Variants in STS observed in about 807,000 individuals in gnomAD.
The protein encoded by STS is steryl-sulfatase.
Under a neutral mutation model 26.8 loss-of-function variants are expected in STS, and 7 were observed. That is an observed-to-expected ratio of 0.26 (90% CI 0.15 to 0.49). STS has a LOEUF of 0.49. Ranked by LOEUF, STS falls within the 20% of genes least tolerant of loss-of-function variation. STS has a pLI of 0.98. For missense variants in STS, 434 were observed against 465.6 expected (o/e 0.93, Z 0.63); for synonymous variants, 199 against 189.4 (o/e 1.05, Z -0.42).
intron 2 of STS, among the ~76,000 whole-genome samples, chrX:7,240,270 T>C (rs1922529122): frequency 9.2e-6 from 1 of 108,485 alleles, no homozygotes; most frequent in Non-Finnish European, 1.9e-5. Context: ...CCAGGCACAT[T>C]TTGGAGGTAT....
chrX:7,347,482 C>T (rs1031689075), intron 10 of STS, among the ~76,000 whole-genome samples: 4 of 112,117 alleles, frequency 3.6e-5, no homozygotes, highest in Non-Finnish European at 7.5e-5. Flanking sequence ...CACTGCCATT[C>T]CCAGGCCGGG....
At chrX:7,287,848 G>T (rs960340257) in intron 7 of STS, among the ~76,000 whole-genome samples, 2 of 110,402 alleles carry the variant, frequency 1.8e-5, no homozygotes, top group Non-Finnish European at 3.8e-5. Context: ...CCTAAAATAG[G>T]TATACTCTTT....
chrX:7,241,345 G>A (rs1922610308), intron 2 of STS, among the ~76,000 whole-genome samples: 1 of 111,454 alleles, frequency 9.0e-6, no homozygotes, highest in South Asian at 3.7e-4. Flanking sequence ...GGTTTTTTTG[G>A]TGAGATTTTA....
intron 6 of STS, among the ~76,000 whole-genome samples, chrX:7,265,286 A>G (rs1360299297): frequency 8.9e-6 from 1 of 111,751 alleles, no homozygotes; most frequent in Admixed American, 9.6e-5. Context: ...AAATCTCTCA[A>G]AACGAGACAA....
chrX:7,299,047 ATAAATAAATATATTTATT>A (rs1925814715), intron 7 of STS, among the ~76,000 whole-genome samples: 1 of 43,752 alleles, frequency 2.3e-5, no homozygotes, highest in Admixed American at 2.6e-4. Flanking sequence ...ATATTTATAT[ATAAATAAATATATTTATT>A]TATATATAAA....
intron 1 of STS, among the ~76,000 whole-genome samples, chrX:7,173,950 A>G (rs1449352640): frequency 8.9e-6 from 1 of 112,181 alleles, no homozygotes; most frequent in Non-Finnish European, 1.9e-5. Context: ...TAAATGACCA[A>G]CATAGCTTGG....
intron 2 of STS, among the ~76,000 whole-genome samples, chrX:7,235,664 C>T (rs900091952): frequency 8.1e-5 from 9 of 111,243 alleles, no homozygotes; most frequent in Admixed American, 7.7e-4. Context: ...ATGGTCTCAG[C>T]TACTTGGGTG....
intron 8 of STS, among the ~76,000 whole-genome samples, chrX:7,318,041 A>T (rs1396417139): frequency 2.7e-5 from 3 of 111,809 alleles, no homozygotes; most frequent in Non-Finnish European, 5.6e-5. Context: ...TGGCTGTGTA[A>T]CCTTTGCCAA....
At chrX:7,258,267 GGATAGATA>G (rs55667371) in intron 5 of STS, among the ~76,000 whole-genome samples, 22 of 102,133 alleles carry the variant, frequency 2.2e-4, no homozygotes, top group South Asian at 4.4e-4. Flanking sequence ...ATAGATGGTT[GGATAGATA>G]GATAGATAGA....
At chrX:7,204,965 A>C (rs1934173978) in intron 2 of STS, among the ~76,000 whole-genome samples, 2 of 110,215 alleles carry the variant, frequency 1.8e-5, no homozygotes, top group Admixed American at 9.7e-5. Context: ...GAGACCATGG[A>C]TAGTCATGAT....
At chrX:7,210,484 A>C (rs1211692740) in intron 2 of STS, among the ~76,000 whole-genome samples, 2 of 107,418 alleles carry the variant, frequency 1.9e-5, no homozygotes, top group East Asian at 5.6e-4. Context: ...ATTTTAAATA[A>C]ATTTTTAAAT....
At position 7,257,596 on chromosome X, in the gene STS, C is replaced by T. The variant is rs200189291; in HGVS notation, c.382+8C>T. ...ATTCAACAGCACTGATAGGTATGGA[C>T]ATCTATGGGATGGGAACCATCTATA... On this transcript the variant is annotated splice_region_variant and intron_variant, in intron 5 of 10. Coordinates refer to ENST00000674429, the MANE Select transcript of STS (RefSeq NM_001320752.2). 7 of 1,209,955 alleles carry T rather than the reference C, an allele frequency of 5.8e-6. No homozygotes were observed. Among genetic ancestry groups the T allele is most frequent in the Non-Finnish European group, 7.8e-6 (7 of 895,091 alleles).
intron 2 of STS, among the ~76,000 whole-genome samples, chrX:7,199,580 T>G (rs1366039118): frequency 1.8e-5 from 2 of 111,596 alleles, no homozygotes; most frequent in African/African-American, 3.3e-5. Flanking sequence ...GCAGTTTCTT[T>G]CCAGAGCCTG....
chrX:7,276,445 TG>T (rs766461623), intron 7 of STS, among the ~76,000 whole-genome samples: 1 of 111,069 alleles, frequency 9.0e-6, no homozygotes, highest in South Asian at 3.9e-4. Flanking sequence ...CACTCCAGCC[TG>T]GGTGAGACTG....
intron 5 of STS, among the ~76,000 whole-genome samples, chrX:7,258,875 C>T: frequency 9.4e-6 from 1 of 106,156 alleles, no homozygotes. Flanking sequence ...ATTTTAAGGG[C>T]CTGTCTCAGA....
At chrX:7,206,356 G>T (rs185918131) in intron 2 of STS, among the ~76,000 whole-genome samples, 2 of 112,038 alleles carry the variant, frequency 1.8e-5, no homozygotes, top group Non-Finnish European at 1.9e-5. Flanking sequence ...GATCTTCGCA[G>T]CATTCTGCTG....
chrX:7,269,012 A>T (rs1167720538), intron 6 of STS, among the ~76,000 whole-genome samples: 1 of 106,892 alleles, frequency 9.4e-6, no homozygotes, highest in Non-Finnish European at 1.9e-5. Context: ...TTAGCTCGGC[A>T]TGGTCGTGCA....
intron 9 of STS, among the ~76,000 whole-genome samples, chrX:7,327,303 G>C (rs920101544): frequency 9.9e-5 from 11 of 110,708 alleles, no homozygotes; most frequent in Non-Finnish European, 1.7e-4. Context: ...ATCACGCTTT[G>C]AGACTAGTGG....
intron 8 of STS, among the ~76,000 whole-genome samples, chrX:7,306,454 G>A (rs1926222057): frequency 8.9e-6 from 1 of 111,791 alleles, no homozygotes; most frequent in African/African-American, 3.3e-5. Context: ...TATAGGGAAT[G>A]CTTTTATCTA....
Sources: allele counts gnomAD v4.1 joint callset (sites outside exome capture counted in the v4.1 genomes callset), GRCh38; gene constraint gnomAD v4.1.1; transcripts MANE v1.5; gene names NCBI Gene and HGNC (gene_info 2026-07-23, HGNC 2026-07-21).